Variants in TONSL observed in about 807,000 individuals in gnomAD.
The protein encoded by TONSL is tonsoku like, DNA repair protein, also known as tonsoku-like protein.
Under a neutral mutation model 147.1 loss-of-function variants are expected in TONSL, and 112 were observed. That is an observed-to-expected ratio of 0.76 (90% confidence interval 0.65 to 0.89). The LOEUF (loss-of-function observed/expected upper bound fraction) is 0.89. TONSL is among the 40% of genes least tolerant of loss of function. The pLI is 0.00. For synonymous variants in TONSL, 868 were observed against 801.5 expected (o/e 1.08, Z -1.40); for missense variants, 1,883 against 1,864.6 (o/e 1.01, Z -0.18).
Position 144,438,543 on chromosome 8 carries a change from G to A in TONSL, c.1581C>T (p.Asp527=). ...RKGSKWNRRN[D]MGETLLHRAC... is the part of the protein sequence containing the mutation. ...CTCGGTGCAGCAGGGTCTCCCCCAT[G>A]TCGTTTCGCCGGTTCCACTGTGGGC... Residue 527 remains aspartate, a synonymous_variant, in exon 13 of 26, where the codon GAC becomes GAT. Transcript: ENST00000409379. The A allele has an allele frequency of 6.8e-6, 11 of 1,613,166 alleles. No homozygotes were observed. Among genetic ancestry groups the A allele is most frequent in the Non-Finnish European group, 9.3e-6 (11 of 1,179,934 alleles).
At chr8:144,429,511 C>G (rs565698385) in intron 25 of TONSL, among the ~76,000 whole-genome samples, 175 bp from the exon 26 acceptor site, 3 of 152,376 alleles carry the variant, frequency 2.0e-5, no homozygotes, top group Non-Finnish European at 2.9e-5. Context: ...GTGGGATCAT[C>G]TGCACAGCCA....
At position 144,442,563 on chromosome 8, in the gene TONSL, G is replaced by A. The variant is rs575457312; in HGVS notation, c.578+114C>T. On this transcript the variant is annotated intron_variant, in intron 5 of 25. Transcript: ENST00000409379. ...GTGGCACAGGTGTGAGAGGTGGGGG[G>A]ATGAGGCCCAGCCAGACTGCTCTCT... 28 of 1,501,672 alleles carry A rather than the reference G, an allele frequency of 1.9e-5. No individual in the cohort carries two copies. In the South Asian group the frequency reaches 3.1e-4, roughly 16 times the overall value. The allele number at this position is 1,501,672 out of a possible 1,614,324, so 93.0% of individuals were successfully genotyped here.
intron 16 of TONSL, 28 bp downstream of exon 16, chr8:144,436,530 C>T (rs544274064): frequency 1.2e-5 from 20 of 1,604,018 alleles, no homozygotes; most frequent in Non-Finnish European, 1.5e-5. Context: ...GGCACAGCAA[C>T]CCCAGGGACA....
chr8:144,441,392 A>T, intron 7 of TONSL: 1 of 380,050 alleles, frequency 2.6e-6, no homozygotes, highest in Non-Finnish European at 4.8e-6. Flanking sequence ...GGAGATCGAG[A>T]CCATCCTGGC....
chr8:144,437,152 C>T (rs1823499344), intron 13 of TONSL, 53 bp from the exon 14 acceptor site: 57 of 1,570,392 alleles, frequency 3.6e-5, no homozygotes, highest in Non-Finnish European at 4.7e-5. Flanking sequence ...CAGCCTGGCC[C>T]CAGCCCCGTG....
intron 24 of TONSL, among the ~76,000 whole-genome samples, chr8:144,430,747 G>T (rs1325960617): frequency 6.6e-6 from 1 of 152,214 alleles, no homozygotes; most frequent in Non-Finnish European, 1.5e-5. Flanking sequence ...GGGTGTGCCT[G>T]GCCCAGCTTG....
Position 144,440,721 on chromosome 8 carries a change from C to A in TONSL, c.1161G>T (p.Leu387=), listed in dbSNP as rs1446916343. Reference sequence around the variant, plus strand: ...GGGCGGGGAGCAAGGGTTTCACCTCCAGCACGTTGCCGCTGCGCAGCCTCA... The same window carrying A: ...GGGCGGGGAGCAAGGGTTTCACCTCAAGCACGTTGCCGCTGCGCAGCCTCA... ...EELRLRSGNV[L]EEAKTWLNIA... The change falls in exon 9 of 26, where the codon CTG becomes CTT. Residue 387 remains leucine, a synonymous_variant. Coordinates refer to ENST00000409379, the MANE Select transcript of TONSL (RefSeq NM_013432.5). 1 of 1,611,942 alleles carries A rather than the reference C, an allele frequency of 6.2e-7. No individual in the cohort carries two copies. The highest frequency in any genetic ancestry group is 1.3e-5 in the African/African-American group (1 of 74,932).
Position 144,443,306 on chromosome 8 carries a change from G to A in TONSL, c.280C>T (p.Leu94=). 1 of 1,550,300 alleles carries A rather than the reference G, an allele frequency of 6.5e-7. No individual in the cohort carries two copies. The highest frequency in any genetic ancestry group is 8.7e-7 in the Non-Finnish European group (1 of 1,146,708). The change falls in exon 4 of 26, where the codon CTG becomes TTG. Residue 94 remains leucine, a synonymous_variant. Transcript: ENST00000409379. The part of the protein sequence containing the change: ...PAALQHQHQY[L]ELAHSLRNHT... ...TTGCGCAGGGAATGTGCCAGCTCCAGGTACTGGTGCTGGTGCTGAGTGTGG... is the reference window on the plus strand; with the variant it reads ...TTGCGCAGGGAATGTGCCAGCTCCAAGTACTGGTGCTGGTGCTGAGTGTGG...
intron 24 of TONSL, 22 bp downstream of exon 24, chr8:144,431,056 G>A: frequency 1.2e-6 from 2 of 1,613,842 alleles, no homozygotes; most frequent in Non-Finnish European, 1.7e-6. Context: ...CAGGTCAGCA[G>A]GCAGCAGGGA....
intron 22 of TONSL, chr8:144,433,060 G>C (rs1205290144): frequency 1.3e-5 from 2 of 155,890 alleles, no homozygotes; most frequent in African/African-American, 4.8e-5. Context: ...GCCAGGTCTG[G>C]CATCCCAGGC....
Position 144,435,965 on chromosome 8 carries a change from G to A in TONSL, c.2468C>T (p.Ala823Val), listed in dbSNP as rs749805413. Reference sequence around the variant, plus strand: ...CAGGCACTCCTCCTCCGGGATGAGCGCTGCCTGGGGGGCAAGGGCTTTGCT... The same window carrying A: ...CAGGCACTCCTCCTCCGGGATGAGCACTGCCTGGGGGGCAAGGGCTTTGCT... The part of the protein sequence containing the change: ...GHSKALAPQA[A>V]LIPEEECLAG... The change falls in exon 17 of 26, where the codon GCG becomes GTG. Residue 823 changes from alanine (A) to valine (V), a missense_variant. Coordinates refer to ENST00000409379, the MANE Select transcript of TONSL (RefSeq NM_013432.5). 5.0e-5 allele frequency: 78 copies of A among 1,556,902 alleles called. No individual in the cohort carries two copies. Among genetic ancestry groups the A allele is most frequent in the East Asian group, 2.7e-4 (12 of 43,970 alleles).
rs774436620 is a variant in TONSL, at chr8:144,436,842, A to AG, written c.1804dup (p.Leu602ProfsTer14). On this transcript the variant is annotated frameshift_variant, in exon 15 of 26. Coordinates refer to ENST00000409379, the MANE Select transcript of TONSL (RefSeq NM_013432.5). LOFTEE classifies it high-confidence loss of function. ...GTGGCCACAGTTGAGGGCATCGTGG[A>AG]GGGGGGTGATGCCTTCGCAGCCCTG... The AG allele has an allele frequency of 6.2e-7, 1 of 1,610,858 alleles. No individual in the cohort carries two copies. The highest frequency in any genetic ancestry group is 8.5e-7 in the Non-Finnish European group (1 of 1,179,912).
chr8:144,435,657 C>T lies in TONSL; in HGVS notation c.2775+1G>A. 1 of 1,598,268 alleles carries T rather than the reference C, an allele frequency of 6.3e-7. No homozygotes were observed. Among genetic ancestry groups the T allele is most frequent in the Non-Finnish European group, 8.6e-7 (1 of 1,169,052 alleles). The stretch of plus-strand genomic sequence containing the variant: ...GCTCTGCTCCAGGTCTGCATACCCA[C>T]CAAGGGCTGGCCTGCCGCAGAGCTG... On this transcript the variant is annotated splice_donor_variant, in intron 17 of 25. Coordinates refer to ENST00000409379, the MANE Select transcript of TONSL (RefSeq NM_013432.5). LOFTEE classifies it high-confidence loss of function.
chr8:144,441,820 G>A (rs1235254157), intron 7 of TONSL: 1 of 529,156 alleles, frequency 1.9e-6, no homozygotes, highest in East Asian at 3.3e-5. Context: ...CATTGCCCCT[G>A]ACACACTGTG....
At chr8:144,431,038 C>T in intron 24 of TONSL, 40 bp downstream of exon 24, 2 of 1,610,296 alleles carry the variant, frequency 1.2e-6, no homozygotes, top group Non-Finnish European at 1.7e-6. Flanking sequence ...GCCATGAGAT[C>T]AGACCCCCAG....
chr8:144,441,370 A>C (rs1051326165), intron 7 of TONSL: 1 of 462,210 alleles, frequency 2.2e-6, no homozygotes, highest in African/African-American at 2.0e-5. Flanking sequence ...AGGCGGGCAG[A>C]TCATGAGGTC....
chr8:144,443,105 C>A (rs1823782261), intron 4 of TONSL, 33 bp downstream of exon 4: 2 of 1,540,524 alleles, frequency 1.3e-6, no homozygotes, highest in South Asian at 1.2e-5. Flanking sequence ...GCCCGAAGTT[C>A]AGGAGGCAGA....
At chr8:144,433,365 T>C (rs553811921) in intron 22 of TONSL, 33 of 503,564 alleles carry the variant, frequency 6.6e-5, no homozygotes, top group South Asian at 4.1e-4. Flanking sequence ...CGTGAGCCAC[T>C]GCGCCCGGCC....
At chr8:144,432,529 C>G in intron 22 of TONSL, 69 bp from the exon 23 acceptor site, 1 of 1,432,044 alleles carries the variant, frequency 7.0e-7, no homozygotes, top group Non-Finnish European at 9.2e-7. Flanking sequence ...GTTCTGGGCC[C>G]AGAACCCTCA....
Sources: allele counts gnomAD v4.1 joint callset (sites outside exome capture counted in the v4.1 genomes callset), GRCh38; gene constraint gnomAD v4.1.1; transcripts MANE v1.5; gene names NCBI Gene and HGNC (gene_info 2026-07-23, HGNC 2026-07-21).